The following RABGAP1L variants were observed in gnomAD, a reference collection of about 807,000 sequenced individuals.
RABGAP1L encodes the protein RAB GTPase activating protein 1 like.
A neutral mutation model predicts 137.7 loss-of-function variants in RABGAP1L; 63 were observed. The ratio of observed to expected loss-of-function variants is 0.46; its 90% CI spans 0.37 to 0.56. RABGAP1L has a LOEUF of 0.56. Among genes scored for constraint, RABGAP1L ranks in the 20% least tolerant of loss-of-function variants. RABGAP1L has a pLI of 0.00. For synonymous variants in RABGAP1L, 431 were observed against 433.7 expected, an observed-to-expected ratio of 0.99 and a Z score of 0.08; for missense variants, 1,095 against 1,244.0, an observed-to-expected ratio of 0.88 and a Z score of 1.80.
intron 13 of RABGAP1L, among the ~76,000 whole-genome samples, chr1:174,498,940 G>A (rs1487493872): frequency 6.6e-6 from 1 of 151,798 alleles, no homozygotes; most frequent in Non-Finnish European, 1.5e-5. Context: ...GAGAATTTTT[G>A]TTTATAGTTT....
chr1:174,504,199 T>G (rs1045176367), intron 13 of RABGAP1L, among the ~76,000 whole-genome samples: 1 of 151,886 alleles, frequency 6.6e-6, no homozygotes, highest in Non-Finnish European at 1.5e-5. Context: ...TCTCCAACTC[T>G]TGAGCTCAAG....
chr1:174,498,885 T>C (rs746923282), intron 13 of RABGAP1L, among the ~76,000 whole-genome samples: 1 of 152,146 alleles, frequency 6.6e-6, no homozygotes, highest in Non-Finnish European at 1.5e-5. Context: ...CTTTGATATG[T>C]TATCTAGTGA....
At chr1:174,188,059 C>T (rs1416030337) in intron 1 of RABGAP1L, among the ~76,000 whole-genome samples, 2 of 152,038 alleles carry the variant, frequency 1.3e-5, no homozygotes, top group African/African-American at 4.8e-5. Context: ...TTTGCATGAC[C>T]AGAAATTCTC....
intron 10 of RABGAP1L, among the ~76,000 whole-genome samples, chr1:174,293,111 ATT>A (rs60138785): frequency 1.1e-4 from 16 of 149,376 alleles, no homozygotes; most frequent in African/African-American, 2.7e-4. Context: ...TAAAATTAGG[ATT>A]TTTTTTTTTC....
Position 174,217,432 on chromosome 1 carries a change from C to T in RABGAP1L, c.-33-1693C>T, listed in dbSNP as rs910467865. On this transcript the variant is annotated intron_variant, in intron 1 of 25. Transcript: ENST00000681986. Reference sequence around the variant, plus strand: ...GACAGACATTACTTAGAGTGTGTGACAAGGGAAAAGGTCAGGATCTGAACT... The same window carrying T: ...GACAGACATTACTTAGAGTGTGTGATAAGGGAAAAGGTCAGGATCTGAACT... Among the ~76,000 whole-genome samples the T allele has an allele frequency of 7.2e-5, 11 of 152,108 alleles. No homozygotes were observed. The East Asian group carries it at 2.1e-3, about 29-fold the overall frequency.
In RABGAP1L at chr1:174,444,491, T is replaced by G. The variant is rs114442752; in HGVS notation, c.1710+50346T>G. Among the ~76,000 whole-genome samples the G allele has an allele frequency of 3.8e-3, 585 of 152,232 alleles. 6 individuals carry two copies. The highest frequency in any genetic ancestry group is 0.014 in the African/African-American group (567 of 41,574). On this transcript the variant is annotated intron_variant, in intron 13 of 25. Coordinates refer to ENST00000681986, the MANE Select transcript of RABGAP1L (RefSeq NM_001366446.1). ...TGGAAGTATTCTCTCCTCTTAACTT[T>G]TTAAGAATAGTTTGAGTGGAGTTGG...
At chr1:174,683,702 C>A in intron 15 of RABGAP1L, 106 bp downstream of exon 15, 1 of 771,482 alleles carries the variant, frequency 1.3e-6, no homozygotes, top group Non-Finnish European at 2.1e-6. Context: ...ATGGAGATTA[C>A]ATATGGCATA....
intron 14 of RABGAP1L, among the ~76,000 whole-genome samples, chr1:174,661,519 T>C (rs1019512053): frequency 6.6e-6 from 1 of 152,230 alleles, no homozygotes; most frequent in African/African-American, 2.4e-5. Context: ...CCTACATTAA[T>C]ATTTTACTGA....
At chr1:174,879,467 T>C (rs143054661) in intron 19 of RABGAP1L, among the ~76,000 whole-genome samples, 10 of 152,156 alleles carry the variant, frequency 6.6e-5, no homozygotes, top group Admixed American at 6.5e-4. Flanking sequence ...ACTTCTGACC[T>C]CATGATCCAC....
chr1:174,317,513 A>C (rs1311265440), intron 11 of RABGAP1L, among the ~76,000 whole-genome samples: 3 of 152,120 alleles, frequency 2.0e-5, no homozygotes, highest in African/African-American at 7.2e-5. Flanking sequence ...CTGGTATCCA[A>C]GATGTAAGAC....
intron 14 of RABGAP1L, among the ~76,000 whole-genome samples, chr1:174,645,187 A>G (rs181656224): frequency 3.9e-5 from 6 of 152,174 alleles, no homozygotes; most frequent in African/African-American, 1.4e-4. Flanking sequence ...ACAAATATAC[A>G]CAATAAAATT....
At chr1:174,548,698 T>A in intron 13 of RABGAP1L, 3 of 382,570 alleles carry the variant, frequency 7.8e-6, no homozygotes, top group Non-Finnish European at 1.1e-5. Flanking sequence ...TTGGAAAGTT[T>A]AACTGCCACT....
At chr1:174,939,767 A>G (rs1156763616) in intron 19 of RABGAP1L, among the ~76,000 whole-genome samples, 1 of 152,208 alleles carries the variant, frequency 6.6e-6, no homozygotes. Context: ...AGAATATCCT[A>G]TGTTAAATGC....
In RABGAP1L at chr1:174,745,172, T is replaced by C. The variant is rs550131804; in HGVS notation, c.2170-7141T>C. The stretch of plus-strand genomic sequence containing the variant: ...ATTCTTGGTCTTTCTTCTTTACTGA[T>C]GAAATCTGGTTCTCCAGGCCTTCTT... On this transcript the variant is annotated intron_variant, in intron 17 of 25. Coordinates refer to ENST00000681986, the MANE Select transcript of RABGAP1L (RefSeq NM_001366446.1). Among the ~76,000 whole-genome samples, 7 of 152,326 alleles carry C rather than the reference T, an allele frequency of 4.6e-5. 1 individual carries two copies. The South Asian group carries it at 1.2e-3, about 27-fold the overall frequency.
At chr1:174,639,649 T>C (rs1674361402) in intron 14 of RABGAP1L, among the ~76,000 whole-genome samples, 1 of 152,110 alleles carries the variant, frequency 6.6e-6, no homozygotes, top group South Asian at 2.1e-4. Flanking sequence ...CTAAAACAGA[T>C]GGTTCTAATG....
At chr1:174,751,851 G>A (rs1248497262) in intron 17 of RABGAP1L, among the ~76,000 whole-genome samples, 1 of 152,032 alleles carries the variant, frequency 6.6e-6, no homozygotes, top group African/African-American at 2.4e-5. Context: ...GATACTTAAA[G>A]CCTCCAGTAC....
chr1:174,766,154 C>G (rs1685652725), intron 18 of RABGAP1L, among the ~76,000 whole-genome samples: 1 of 152,110 alleles, frequency 6.6e-6, no homozygotes, highest in Non-Finnish European at 1.5e-5. Flanking sequence ...CATCTACAAG[C>G]CAAAGTGTGA....
intron 13 of RABGAP1L, among the ~76,000 whole-genome samples, chr1:174,537,351 G>A (rs1264249817): frequency 6.6e-6 from 1 of 152,116 alleles, no homozygotes; most frequent in African/African-American, 2.4e-5. Flanking sequence ...TGCGTATAAA[G>A]GAACATGCCT....
chr1:174,519,100 C>A (rs1035190744), intron 13 of RABGAP1L, among the ~76,000 whole-genome samples: 1 of 151,614 alleles, frequency 6.6e-6, no homozygotes, highest in Non-Finnish European at 1.5e-5. Context: ...TACACACACA[C>A]ACACACATAC....
Sources: allele counts gnomAD v4.1 joint callset (sites outside exome capture counted in the v4.1 genomes callset), GRCh38; gene constraint gnomAD v4.1.1; transcripts MANE v1.5; gene names NCBI Gene and HGNC (gene_info 2026-07-23, HGNC 2026-07-21).